COMMD10: variants seen among roughly 807,000 people sequenced by gnomAD.
The protein encoded by COMMD10 is COMM domain containing 10.
A neutral mutation model predicts 28.9 loss-of-function variants in COMMD10; 33 were observed. The ratio of observed to expected loss-of-function variants is 1.14; its 90% confidence interval spans 0.87 to 1.53. The LOEUF is 1.53. Ranked by LOEUF, COMMD10 falls within the 40% of genes most tolerant of loss-of-function variation. The pLI, the probability that COMMD10 is intolerant of heterozygous loss-of-function variation, is 0.00. For missense variants in COMMD10, 310 were observed against 233.4 expected (o/e 1.33, Z -2.14); for synonymous variants, 110 against 81.7 (o/e 1.35, Z -1.87).
intron 5 of COMMD10, among the ~76,000 whole-genome samples, chr5:116,209,596 G>T (rs1748906385): frequency 6.6e-6 from 1 of 152,100 alleles, no homozygotes; most frequent in Non-Finnish European, 1.5e-5. Flanking sequence ...CTGAACCCAT[G>T]CTTCTGCCTA....
At chr5:116,273,822 T>C (rs565968727) in intron 5 of COMMD10, among the ~76,000 whole-genome samples, 1 of 151,822 alleles carries the variant, frequency 6.6e-6, no homozygotes, top group Non-Finnish European at 1.5e-5. Context: ...TTCATTAAAA[T>C]ATAATACTTG....
intron 5 of COMMD10, among the ~76,000 whole-genome samples, chr5:116,160,041 G>A (rs1752864964): frequency 6.6e-6 from 1 of 152,152 alleles, no homozygotes; most frequent in Non-Finnish European, 1.5e-5. Flanking sequence ...GTTGATATGC[G>A]AGACACTTAT....
chr5:116,208,871 C>T (rs1748884290), intron 5 of COMMD10, among the ~76,000 whole-genome samples: 1 of 152,158 alleles, frequency 6.6e-6, no homozygotes, highest in Non-Finnish European at 1.5e-5. Context: ...TACACAGTTA[C>T]TGCTGTGTAT....
At chr5:116,288,595 T>TA (rs1454041940) in intron 5 of COMMD10, among the ~76,000 whole-genome samples, 1 of 151,754 alleles carries the variant, frequency 6.6e-6, no homozygotes, top group Non-Finnish European at 1.5e-5. Flanking sequence ...ACCTGGTTGA[T>TA]ATTGTCCTAA....
At chr5:116,203,392 C>G (rs1748723150) in intron 5 of COMMD10, among the ~76,000 whole-genome samples, 1 of 151,926 alleles carries the variant, frequency 6.6e-6, no homozygotes, top group African/African-American at 2.4e-5. Flanking sequence ...ACAGAGAACG[C>G]CACAAAGATA....
chr5:116,145,705 T>C (rs1752326711), intron 5 of COMMD10, among the ~76,000 whole-genome samples: 1 of 151,874 alleles, frequency 6.6e-6, no homozygotes, highest in African/African-American at 2.4e-5. Context: ...GTGGAGGTAG[T>C]TGAATCATGA....
chr5:116,138,142 C>T (rs1348695278), intron 5 of COMMD10, among the ~76,000 whole-genome samples: 1 of 151,702 alleles, frequency 6.6e-6, no homozygotes, highest in African/African-American at 2.4e-5. Flanking sequence ...TTTCCATAAA[C>T]AAAATTAATG....
chr5:116,144,778 G>C (rs1752293912), intron 5 of COMMD10, among the ~76,000 whole-genome samples: 1 of 151,824 alleles, frequency 6.6e-6, no homozygotes, highest in African/African-American at 2.4e-5. Context: ...ACTGACGAAA[G>C]AATATGAGGT....
At chr5:116,110,301 A>G (rs138195476) in intron 4 of COMMD10, among the ~76,000 whole-genome samples, 95 of 152,162 alleles carry the variant, frequency 6.2e-4, no homozygotes, top group African/African-American at 1.8e-3. Context: ...TGTTGTGTCT[A>G]TGTTCATCAG....
chr5:116,092,856 T>C (rs1409204354), intron 4 of COMMD10, among the ~76,000 whole-genome samples, 156 bp downstream of exon 4: 1 of 152,202 alleles, frequency 6.6e-6, no homozygotes, highest in Non-Finnish European at 1.5e-5. Context: ...TACATCCTGA[T>C]AGACCTGTCA....
chr5:116,087,157 C>G (rs952856844), intron 1 of COMMD10, among the ~76,000 whole-genome samples: 1 of 152,176 alleles, frequency 6.6e-6, no homozygotes, highest in African/African-American at 2.4e-5. Flanking sequence ...TCCTCCCACC[C>G]CTTTCAGAGT....
intron 5 of COMMD10, among the ~76,000 whole-genome samples, chr5:116,246,698 A>C (rs993605305): frequency 2.0e-5 from 3 of 152,168 alleles, no homozygotes; most frequent in African/African-American, 7.2e-5. Flanking sequence ...ACCTACAACT[A>C]TCTGATGTTC....
chr5:116,254,539 C>A (rs575595513), intron 5 of COMMD10, among the ~76,000 whole-genome samples: 1 of 150,860 alleles, frequency 6.6e-6, no homozygotes, highest in Non-Finnish European at 1.5e-5. Flanking sequence ...TTATTTCTGC[C>A]TTCATTTCGT....
At chr5:116,164,224 G>A (rs1045288049) in intron 5 of COMMD10, among the ~76,000 whole-genome samples, 3 of 152,160 alleles carry the variant, frequency 2.0e-5, no homozygotes, top group African/African-American at 7.2e-5. Flanking sequence ...AGGAGGCTGA[G>A]GCAGGAGAAC....
At chr5:116,218,316 T>A in intron 5 of COMMD10, 1 of 697,742 alleles carries the variant, frequency 1.4e-6, no homozygotes, top group Non-Finnish European at 2.7e-6. Flanking sequence ...GTGATGGTGG[T>A]GGGACATAGG....
At position 116,107,334 on chromosome 5, in the gene COMMD10, C is replaced by G. The variant is rs140939322; in HGVS notation, c.399+14634C>G. Among the ~76,000 whole-genome samples, 552 of 152,284 alleles carry G rather than the reference C, an allele frequency of 3.6e-3. 2 individuals are homozygous for G. The highest frequency in any genetic ancestry group is 0.013 in the African/African-American group (534 of 41,558). On this transcript the variant is annotated intron_variant, in intron 4 of 6. Coordinates refer to ENST00000274458, the MANE Select transcript of COMMD10 (RefSeq NM_016144.4). ...TACACCAATCAAACATAGATTTGGT[C>G]TTTTCACATAGTCCCATATTTCTTG...
At position 116,268,530 on chromosome 5, in the gene COMMD10, G is replaced by A. The variant is rs1484678168; in HGVS notation, c.511-22987G>A. Among the ~76,000 whole-genome samples the A allele has an allele frequency of 4.6e-5, 7 of 151,948 alleles. No individual in the cohort carries two copies. The South Asian group carries it at 1.4e-3, about 31-fold the overall frequency. On this transcript the variant is annotated intron_variant, in intron 5 of 6. Coordinates refer to ENST00000274458, the MANE Select transcript of COMMD10 (RefSeq NM_016144.4). ...ACTGTAAACTAGTTCAACCATTGTGGAAGACAGTGTGGCGATTCCTCAAGG... is the reference window on the plus strand; with the variant it reads ...ACTGTAAACTAGTTCAACCATTGTGAAAGACAGTGTGGCGATTCCTCAAGG...
intron 4 of COMMD10, 48 bp downstream of exon 4, chr5:116,092,748 A>C: frequency 7.7e-7 from 1 of 1,301,738 alleles, no homozygotes; most frequent in Admixed American, 2.6e-5. Context: ...CATATGGCAT[A>C]AATTATTATA....
chr5:116,237,511 C>T (rs1432602309), intron 5 of COMMD10, among the ~76,000 whole-genome samples: 1 of 151,596 alleles, frequency 6.6e-6, no homozygotes, highest in African/African-American at 2.4e-5. Context: ...TGTAGATAAA[C>T]GTTACAGAAA....
Sources: allele counts gnomAD v4.1 joint callset (sites outside exome capture counted in the v4.1 genomes callset), GRCh38; gene constraint gnomAD v4.1.1; transcripts MANE v1.5; gene names NCBI Gene and HGNC (gene_info 2026-07-23, HGNC 2026-07-21).